MAST4: variants seen among roughly 807,000 people sequenced by gnomAD.
MAST4 encodes microtubule associated serine/threonine kinase family member 4, also known as microtubule-associated serine/threonine-protein kinase 4.
A neutral mutation model predicts 162.7 loss-of-function variants in MAST4; 89 were observed. The ratio of observed to expected loss-of-function variants is 0.55; its 90% CI spans 0.46 to 0.65. The LOEUF (loss-of-function observed/expected upper bound fraction) is 0.65. MAST4 is among the 30% of genes least tolerant of loss of function. The pLI is 0.00. For missense variants in MAST4, 3,153 were observed against 3,374.0 expected (o/e 0.93, Z 1.62); for synonymous variants, 1,479 against 1,361.1 (o/e 1.09, Z -1.91).
chr5:66,972,607 G>A (rs894367653), intron 4 of MAST4, among the ~76,000 whole-genome samples: 2 of 152,136 alleles, frequency 1.3e-5, no homozygotes, highest in Admixed American at 1.3e-4. Context: ...CTCAATATGC[G>A]ATGCTGACCA....
chr5:66,640,474 A>C (rs946138690), intron 1 of MAST4, among the ~76,000 whole-genome samples: 1 of 151,958 alleles, frequency 6.6e-6, no homozygotes, highest in African/African-American at 2.4e-5. Flanking sequence ...CGCCTGGCTA[A>C]TTTTTTTGTA....
chr5:67,145,375 G>T lies in MAST4; in HGVS notation c.3090G>T (p.Leu1030=). 4.3e-6 allele frequency: 7 copies of T among 1,612,444 alleles called. No individual in the cohort carries two copies. Among genetic ancestry groups the T allele is most frequent in the Non-Finnish European group, 5.9e-6 (7 of 1,179,720 alleles). The change falls in exon 23 of 29, where the codon CTG becomes CTT. Residue 1030 remains leucine (L), a synonymous_variant. Transcript: ENST00000403625. ...CCAGCACCATCAGCAGCTCCACCCTGTCAGGTAAGCCCCGGGCCATAGTGC... is the reference window on the plus strand; with the variant it reads ...CCAGCACCATCAGCAGCTCCACCCTTTCAGGTAAGCCCCGGGCCATAGTGC... ...TPASTISSST[L]SVGSFSEHLD...
chr5:66,686,993 G>C (rs1395643546), intron 1 of MAST4, among the ~76,000 whole-genome samples: 3 of 152,122 alleles, frequency 2.0e-5, no homozygotes, highest in African/African-American at 7.2e-5. Context: ...TGCAAAGAAT[G>C]TTCTTAAATT....
At chr5:66,825,706 A>C (rs545681086) in intron 3 of MAST4, among the ~76,000 whole-genome samples, 1 of 152,196 alleles carries the variant, frequency 6.6e-6, no homozygotes, top group African/African-American at 2.4e-5. Flanking sequence ...TGAGTATTCC[A>C]GGAAGTAAAT....
chr5:66,827,845 A>G (rs1757346064), intron 3 of MAST4, among the ~76,000 whole-genome samples: 1 of 152,212 alleles, frequency 6.6e-6, no homozygotes, highest in East Asian at 1.9e-4. Flanking sequence ...GACACCAAGG[A>G]GGAATAATTT....
chr5:66,817,534 A>G (rs1348979170), intron 3 of MAST4, among the ~76,000 whole-genome samples: 1 of 152,242 alleles, frequency 6.6e-6, no homozygotes, highest in Admixed American at 6.5e-5. Context: ...TTTCTAACAA[A>G]ATAATTCCCC....
At chr5:66,750,748 T>TA (rs1321640286) in intron 1 of MAST4, among the ~76,000 whole-genome samples, 1 of 151,788 alleles carries the variant, frequency 6.6e-6, no homozygotes, top group African/African-American at 2.4e-5. Flanking sequence ...CAGGCTTGCT[T>TA]AGGTAAACAA....
chr5:66,747,097 GGTGTGTGTGTGTGT>G (rs138318051), intron 1 of MAST4, among the ~76,000 whole-genome samples: 6 of 145,990 alleles, frequency 4.1e-5, no homozygotes, highest in Non-Finnish European at 7.5e-5. Flanking sequence ...GCATGCGCAT[GGTGTGTGTGTGTGT>G]GTGTGTGTGT....
rs140591918 is a variant in MAST4 at position 66,885,748 on chromosome 5, T to C, written c.643-14203T>C. ...TTCATTGAAGTAGGCTTAGATAATA[T>C]TTAAATTTATTACTAGTTTTCATCT... is the stretch of plus-strand genomic sequence containing the variant. On this transcript the variant is annotated intron_variant, in intron 3 of 28. Transcript: ENST00000403625. 3.9e-4 allele frequency among the ~76,000 whole-genome samples: 59 copies of C among 152,302 alleles called. 2 individuals are homozygous for C. In the East Asian group the frequency reaches 0.011, roughly 29 times the overall value.
chr5:66,668,174 C>G (rs1317166049), intron 1 of MAST4, among the ~76,000 whole-genome samples: 1 of 152,148 alleles, frequency 6.6e-6, no homozygotes, highest in African/African-American at 2.4e-5. Flanking sequence ...TACTTTCTAT[C>G]TTTGGCTTAA....
chr5:67,157,322 A>G (rs1266664015), intron 26 of MAST4, among the ~76,000 whole-genome samples: 1 of 152,222 alleles, frequency 6.6e-6, no homozygotes, highest in Admixed American at 6.5e-5. Flanking sequence ...TGTAAGTTAA[A>G]TGAATTTTCC....
At chr5:66,632,308 G>A (rs1212543398) in intron 1 of MAST4, among the ~76,000 whole-genome samples, 1 of 151,946 alleles carries the variant, frequency 6.6e-6, no homozygotes, top group Non-Finnish European at 1.5e-5. Context: ...GAAATCTGGG[G>A]CTGGCATTTT....
intron 3 of MAST4, among the ~76,000 whole-genome samples, chr5:66,838,601 C>G (rs1214561422): frequency 6.6e-6 from 1 of 152,128 alleles, no homozygotes; most frequent in East Asian, 1.9e-4. Context: ...TATCATCAGT[C>G]AAGATACAGG....
At chr5:67,147,390 C>T (rs117923526) in intron 23 of MAST4, among the ~76,000 whole-genome samples, 2 of 152,282 alleles carry the variant, frequency 1.3e-5, no homozygotes, top group East Asian at 3.9e-4. Flanking sequence ...CTACCATTGG[C>T]AGAAAAGAAG....
chr5:66,723,630 A>C (rs1751349553), intron 1 of MAST4, among the ~76,000 whole-genome samples: 1 of 152,098 alleles, frequency 6.6e-6, no homozygotes, highest in South Asian at 2.1e-4. Flanking sequence ...CCTTATGAAA[A>C]ATTTGAGCTT....
chr5:66,775,013 G>GTGTGTGTGTGTGTGTGTA (rs1754525092), intron 2 of MAST4, among the ~76,000 whole-genome samples: 1 of 146,860 alleles, frequency 6.8e-6, no homozygotes, highest in African/African-American at 2.5e-5. Flanking sequence ...GTGTGTGTGT[G>GTGTGTGTGTGTGTGTGTA]TGTGTGTGTG....
chr5:66,633,801 G>A (rs1207537231), intron 1 of MAST4, among the ~76,000 whole-genome samples: 5 of 152,008 alleles, frequency 3.3e-5, no homozygotes, highest in African/African-American at 4.8e-5. Context: ...ATTTGTTGCT[G>A]GACCAGTTCA....
At chr5:66,647,824 T>C (rs922356283) in intron 1 of MAST4, among the ~76,000 whole-genome samples, 3 of 152,194 alleles carry the variant, frequency 2.0e-5, no homozygotes, top group African/African-American at 7.2e-5. Context: ...TTCATGCCTC[T>C]ACTCTTATTG....
intron 5 of MAST4, among the ~76,000 whole-genome samples, chr5:67,071,479 G>A (rs767614141): frequency 1.5e-4 from 23 of 152,024 alleles, no homozygotes; most frequent in Non-Finnish European, 2.2e-4. Flanking sequence ...ATGGCTGGGC[G>A]TGGTGGCTCA....
Sources: allele counts gnomAD v4.1 joint callset (sites outside exome capture counted in the v4.1 genomes callset), GRCh38; gene constraint gnomAD v4.1.1; transcripts MANE v1.5; gene names NCBI Gene and HGNC (gene_info 2026-07-23, HGNC 2026-07-21).